Variants in CDH13 observed in about 807,000 individuals in gnomAD.
CDH13 encodes the protein cadherin 13.
In CDH13, 24 loss-of-function variants were observed where a neutral mutation model predicts 63.8. That is an observed-to-expected ratio of 0.38 (90% CI 0.27 to 0.53). CDH13 has a LOEUF of 0.53. Among genes scored for constraint, CDH13 ranks in the 20% least tolerant of loss-of-function variants. CDH13 has a pLI of 0.85. For missense variants in CDH13, 1,049 were observed against 903.1 expected, an observed-to-expected ratio of 1.16 and a Z score of -2.07; for synonymous variants, 503 against 355.3, an observed-to-expected ratio of 1.42 and a Z score of -4.67.
At chr16:82,707,258 C>G (rs1489151258) in intron 1 of CDH13, among the ~76,000 whole-genome samples, 1 of 152,176 alleles carries the variant, frequency 6.6e-6, no homozygotes, top group African/African-American at 2.4e-5. Flanking sequence ...GCTATGTATA[C>G]AAAGCCAGCT....
intron 6 of CDH13, chr16:83,396,754 A>AATGATG (rs35787138): frequency 0.098 from 14,760 of 150,430 alleles, 937 homozygotes; most frequent in Middle Eastern, 0.16. Context: ...ATTCATCACA[A>AATGATG]ATGATGATGA....
intron 4 of CDH13, among the ~76,000 whole-genome samples, chr16:83,173,799 C>A (rs2038017330): frequency 6.6e-6 from 1 of 152,052 alleles, no homozygotes; most frequent in African/African-American, 2.4e-5. Flanking sequence ...GAGGTTGTAC[C>A]CTTTTTACCT....
rs1370148026 is a variant in CDH13 at position 83,096,760 on chromosome 16, A to G, written c.367-28625A>G. 2.0e-5 allele frequency among the ~76,000 whole-genome samples: 3 copies of G among 152,266 alleles called. No homozygotes were observed. The East Asian group carries it at 5.8e-4, about 29-fold the overall frequency. On this transcript the variant is annotated intron_variant, in intron 3 of 13. Transcript: ENST00000567109. ...TGTCGTAATTATGTGCAATATTTTC[A>G]TTTTTACTTCTGATCAACCGCAAGA...
chr16:83,424,361 A>G (rs1179429829), intron 6 of CDH13, among the ~76,000 whole-genome samples: 1 of 152,196 alleles, frequency 6.6e-6, no homozygotes, highest in Non-Finnish European at 1.5e-5. Context: ...CGTGGTTAGC[A>G]TTGGTTGCAT....
intron 2 of CDH13, among the ~76,000 whole-genome samples, chr16:82,933,320 G>A (rs1381512165): frequency 6.6e-6 from 1 of 152,098 alleles, no homozygotes; most frequent in South Asian, 2.1e-4. Context: ...GGGGAGAAAA[G>A]CCCCCTATAA....
chr16:83,580,448 T>TTCTC (rs55664829), intron 7 of CDH13, among the ~76,000 whole-genome samples: 919 of 76,274 alleles, frequency 0.012, 29 homozygotes, highest in East Asian at 0.026. Flanking sequence ...TTCTGTTCAT[T>TTCTC]TCTCTCTCTC....
intron 11 of CDH13, among the ~76,000 whole-genome samples, chr16:83,777,040 C>T (rs1257306896): frequency 1.3e-5 from 2 of 152,210 alleles, no homozygotes; most frequent in Non-Finnish European, 2.9e-5. Context: ...CTGCACTCTG[C>T]TCTTCGGGCA....
chr16:83,657,315 C>T (rs1699472550), intron 8 of CDH13, among the ~76,000 whole-genome samples: 1 of 152,182 alleles, frequency 6.6e-6, no homozygotes, highest in Admixed American at 6.5e-5. Flanking sequence ...CAGTGAGTGA[C>T]ATTATGAGGT....
intron 1 of CDH13, among the ~76,000 whole-genome samples, chr16:82,834,137 C>G (rs116563383): frequency 0.015 from 2,281 of 152,276 alleles, 32 homozygotes; most frequent in Middle Eastern, 0.034. Flanking sequence ...AGAGGATTAA[C>G]TCTTGATGCA....
Position 83,177,684 on chromosome 16 carries a change from G to T in CDH13, c.484-39661G>T, listed in dbSNP as rs529012270. ...CTCCACATAGGGATAAGCCTGTCAA[G>T]ACCCACGCCTGTTACTCAAAATCTC... On this transcript the variant is annotated intron_variant, in intron 4 of 13. Transcript: ENST00000567109. Among the ~76,000 whole-genome samples the T allele has an allele frequency of 2.0e-5, 3 of 152,294 alleles. No homozygotes were observed. The South Asian group carries it at 6.2e-4, about 32-fold the overall frequency.
At chr16:83,208,415 C>G (rs1291593732) in intron 4 of CDH13, among the ~76,000 whole-genome samples, 1 of 151,704 alleles carries the variant, frequency 6.6e-6, no homozygotes, top group Non-Finnish European at 1.5e-5. Context: ...CTTACAGAAG[C>G]AATCTAATGA....
At chr16:83,513,807 G>A (rs1331916533) in intron 7 of CDH13, among the ~76,000 whole-genome samples, 2 of 152,138 alleles carry the variant, frequency 1.3e-5, no homozygotes, top group African/African-American at 4.8e-5. Flanking sequence ...AACCTTAACA[G>A]TTGGGTTCAA....
Position 83,111,311 on chromosome 16 carries a change from G to A in CDH13, c.367-14074G>A, listed in dbSNP as rs551269057. 2.0e-5 allele frequency among the ~76,000 whole-genome samples: 3 copies of A among 152,306 alleles called. No individual in the cohort carries two copies. In the South Asian group the frequency reaches 6.2e-4, roughly 32 times the overall value. ...TTGGATAGTGCCATGATAGAAGAAT[G>A]TCCCATGTGCAGTGAGAATCTAGAG... On this transcript the variant is annotated intron_variant, in intron 3 of 13. Transcript: ENST00000567109.
intron 2 of CDH13, among the ~76,000 whole-genome samples, chr16:82,918,629 T>G (rs9926654): frequency 6.6e-6 from 1 of 151,318 alleles, no homozygotes; most frequent in Non-Finnish European, 1.5e-5. Context: ...CTGCCTCAGC[T>G]TCCCCAGTAG....
chr16:83,788,305 T>A (rs1438174932), intron 13 of CDH13, among the ~76,000 whole-genome samples: 1 of 152,132 alleles, frequency 6.6e-6, no homozygotes, highest in African/African-American at 2.4e-5. Context: ...CTTGTTAAAA[T>A]ACAGATTTCC....
chr16:83,728,936 T>C (rs1910739935), intron 10 of CDH13: 1 of 153,586 alleles, frequency 6.5e-6, no homozygotes, highest in Non-Finnish European at 1.5e-5. Flanking sequence ...GCTCTCTTTC[T>C]GGCTTGCAGA....
At chr16:82,736,612 T>G (rs1044173173) in intron 1 of CDH13, among the ~76,000 whole-genome samples, 1 of 152,174 alleles carries the variant, frequency 6.6e-6, no homozygotes, top group Non-Finnish European at 1.5e-5. Context: ...TGTGATGGTA[T>G]TTTTTTCCTC....
chr16:83,276,239 C>G (rs1330550013), intron 5 of CDH13, among the ~76,000 whole-genome samples: 1 of 152,132 alleles, frequency 6.6e-6, no homozygotes, highest in East Asian at 1.9e-4. Flanking sequence ...AAGCTGATAT[C>G]TGTTTTTCCC....
At chr16:82,873,248 T>A (rs1188715223) in intron 2 of CDH13, among the ~76,000 whole-genome samples, 1 of 152,202 alleles carries the variant, frequency 6.6e-6, no homozygotes, top group Non-Finnish European at 1.5e-5. Flanking sequence ...AGGAGGGCTG[T>A]CATTTGATAC....
Sources: allele counts gnomAD v4.1 joint callset (sites outside exome capture counted in the v4.1 genomes callset), GRCh38; gene constraint gnomAD v4.1.1; transcripts MANE v1.5; gene names NCBI Gene and HGNC (gene_info 2026-07-23, HGNC 2026-07-21).